Variants in HDAC9 observed in about 807,000 individuals in gnomAD.
HDAC9 encodes histone deacetylase 9.
In HDAC9, 41 loss-of-function variants were observed where a neutral mutation model predicts 139.4. The ratio of observed to expected loss-of-function variants is 0.29; its 90% confidence interval spans 0.23 to 0.38. The LOEUF is 0.38. HDAC9 is among the 10% of genes least tolerant of loss of function. The probability of loss-of-function intolerance (pLI) is 1.00; values close to 1 mark genes in which losing one functional copy is unlikely to be tolerated. For missense variants in HDAC9, 1,147 were observed against 1,297.0 expected, an observed-to-expected ratio of 0.88 and a Z score of 1.78; for synonymous variants, 517 against 476.2, an observed-to-expected ratio of 1.09 and a Z score of -1.12.
chr7:18,234,994 G>T (rs1793719614), intron 2 of HDAC9, among the ~76,000 whole-genome samples: 1 of 152,064 alleles, frequency 6.6e-6, no homozygotes, highest in South Asian at 2.1e-4. Context: ...GATCCCCCCA[G>T]AGCTTGTGAA....
intron 13 of HDAC9, among the ~76,000 whole-genome samples, chr7:18,733,270 AGGTATATATG>A (rs1363480377): frequency 2.9e-5 from 4 of 140,326 alleles, no homozygotes; most frequent in East Asian, 4.8e-4. Context: ...ATATATACAC[AGGTATATATG>A]TGTATATATG....
At chr7:18,360,024 C>T (rs1008091282) in intron 1 of HDAC9, among the ~76,000 whole-genome samples, 8 of 152,180 alleles carry the variant, frequency 5.3e-5, no homozygotes, top group Non-Finnish European at 8.8e-5. Context: ...CCACAGGACA[C>T]GGTTACCTCA....
chr7:18,334,458 A>G (rs1315557844), intron 1 of HDAC9, among the ~76,000 whole-genome samples: 1 of 151,422 alleles, frequency 6.6e-6, no homozygotes, highest in African/African-American at 2.4e-5. Context: ...TATAATCCTT[A>G]TTATGTAAGA....
intron 22 of HDAC9, among the ~76,000 whole-genome samples, chr7:18,875,678 A>T (rs1419858575): frequency 1.3e-5 from 2 of 152,162 alleles, no homozygotes; most frequent in African/African-American, 4.8e-5. Flanking sequence ...AAAGCAAAAT[A>T]ATTCATGATT....
intron 20 of HDAC9, 115 bp downstream of exon 20, chr7:18,835,701 C>T (rs1015541425): frequency 2.8e-5 from 39 of 1,392,156 alleles, no homozygotes; most frequent in Middle Eastern, 1.8e-4. Context: ...CACGAGATTA[C>T]TGAATTGTCC....
rs1794169498 is a variant in HDAC9, at chr7:18,241,247, A to T, written c.25+78898A>T. 1.3e-5 allele frequency among the ~76,000 whole-genome samples: 2 copies of T among 152,262 alleles called. 1 individual carries two copies. The highest frequency in any genetic ancestry group is 4.8e-5 in the African/African-American group (2 of 41,476). On this transcript the variant is annotated intron_variant, in intron 2 of 12. Transcript: ENST00000417496. Reference sequence around the variant, plus strand: ...ACTCCACAAAACAAAGTATATACTGAAAATTCATAAAGCCTATCTTTTTGC... The same window carrying T: ...ACTCCACAAAACAAAGTATATACTGTAAATTCATAAAGCCTATCTTTTTGC...
intron 22 of HDAC9, among the ~76,000 whole-genome samples, chr7:18,918,529 G>A (rs1803412692): frequency 6.6e-6 from 1 of 151,946 alleles, no homozygotes; most frequent in African/African-American, 2.4e-5. Flanking sequence ...AAGAATTTTA[G>A]ACTTTTTTCA....
rs1435095011 is a variant in HDAC9 at position 18,997,052 on chromosome 7, A to C, written c.*990A>C. ...TTCATCATTCATTCCTTCCTTTAGA[A>C]AAACTGAAGATTACCCATAATCTCC... On this transcript the variant is annotated 3_prime_UTR_variant, in exon 26 of 26. Transcript: ENST00000686413. 1.3e-5 allele frequency: 2 copies of C among 152,194 alleles called. No homozygotes were observed. The highest frequency in any genetic ancestry group is 2.9e-5 in the Non-Finnish European group (2 of 68,042). 9.4% of individuals were successfully genotyped at this position (152,194 alleles called of 1,614,324 possible). A position where few individuals can be genotyped will look rare whatever the true frequency, so the allele number is the denominator to read the frequency against.
At chr7:18,283,065 G>A (rs1309167582) in intron 2 of HDAC9, among the ~76,000 whole-genome samples, 1 of 151,932 alleles carries the variant, frequency 6.6e-6, no homozygotes, top group Non-Finnish European at 1.5e-5. Flanking sequence ...TAAGAAGAGT[G>A]TATTAGTCTG....
chr7:18,676,216 T>G (rs529221359), intron 12 of HDAC9, among the ~76,000 whole-genome samples: 5 of 152,024 alleles, frequency 3.3e-5, no homozygotes, highest in Non-Finnish European at 7.4e-5. Flanking sequence ...CTTATTTTTA[T>G]TTTTATAGCC....
chr7:18,123,522 T>C (rs1784480234), intron 1 of HDAC9, among the ~76,000 whole-genome samples: 1 of 152,140 alleles, frequency 6.6e-6, no homozygotes, highest in Non-Finnish European at 1.5e-5. Flanking sequence ...ACACAACATA[T>C]ATAATAATAT....
chr7:18,433,702 A>G (rs1245131400), intron 1 of HDAC9, among the ~76,000 whole-genome samples: 2 of 152,176 alleles, frequency 1.3e-5, no homozygotes, highest in Non-Finnish European at 2.9e-5. Flanking sequence ...CCCCAGGAAT[A>G]CAACTAACCA....
chr7:18,402,666 T>C (rs1787655277), intron 1 of HDAC9, among the ~76,000 whole-genome samples: 1 of 152,180 alleles, frequency 6.6e-6, no homozygotes, highest in Non-Finnish European at 1.5e-5. Context: ...GAGAACTCAC[T>C]CTGGTAGCAG....
intron 6 of HDAC9, among the ~76,000 whole-genome samples, chr7:18,602,103 T>G (rs1834113941): frequency 6.6e-6 from 1 of 152,144 alleles, no homozygotes; most frequent in Non-Finnish European, 1.5e-5. Flanking sequence ...GCTTTCCTTT[T>G]TGGAAGGTTA....
chr7:18,423,022 T>C (rs1160283511), intron 1 of HDAC9, among the ~76,000 whole-genome samples: 1 of 152,202 alleles, frequency 6.6e-6, no homozygotes, highest in African/African-American at 2.4e-5. Context: ...AGTTATTTTA[T>C]AGCAGACTGC....
chr7:18,848,354 G>A (rs569444105), intron 21 of HDAC9, among the ~76,000 whole-genome samples: 1 of 152,192 alleles, frequency 6.6e-6, no homozygotes, highest in South Asian at 2.1e-4. Context: ...CCCAAAACAT[G>A]TATGTTGAAC....
chr7:18,795,165 G>A (rs1792672619), intron 17 of HDAC9, among the ~76,000 whole-genome samples: 1 of 147,644 alleles, frequency 6.8e-6, no homozygotes, highest in African/African-American at 2.5e-5. Flanking sequence ...GTAACATCAG[G>A]TATTTATATT....
At chr7:18,390,859 C>CACCTCA (rs1786405881) in intron 1 of HDAC9, among the ~76,000 whole-genome samples, 1 of 152,158 alleles carries the variant, frequency 6.6e-6, no homozygotes, top group Non-Finnish European at 1.5e-5. Flanking sequence ...GAGGCCAAGG[C>CACCTCA]AGGCAGATCA....
chr7:18,433,616 A>G (rs574045329), intron 1 of HDAC9, among the ~76,000 whole-genome samples: 1 of 152,294 alleles, frequency 6.6e-6, no homozygotes, highest in Admixed American at 6.5e-5. Context: ...ACTTCTGTAC[A>G]CCAACAACAT....
Sources: allele counts gnomAD v4.1 joint callset (sites outside exome capture counted in the v4.1 genomes callset), GRCh38; gene constraint gnomAD v4.1.1; transcripts MANE v1.5; gene names NCBI Gene and HGNC (gene_info 2026-07-23, HGNC 2026-07-21).